The following CREM variants were observed in gnomAD, a reference collection of about 807,000 sequenced individuals.
CREM encodes cAMP responsive element modulator.
A neutral mutation model predicts 37.3 loss-of-function variants in CREM; 13 were observed. The ratio of observed to expected loss-of-function variants is 0.35; its 90% CI spans 0.23 to 0.55. CREM has a LOEUF of 0.55. Ranked by LOEUF, CREM falls within the 20% of genes least tolerant of loss-of-function variation. The pLI, the probability that CREM is intolerant of heterozygous loss-of-function variation, is 0.88. For missense variants in CREM, 296 were observed against 362.3 expected, an observed-to-expected ratio of 0.82 and a Z score of 1.49; for synonymous variants, 124 against 120.2, an observed-to-expected ratio of 1.03 and a Z score of -0.21.
intron 5 of CREM, chr10:35,179,908 T>A (rs1201502355): frequency 6.6e-6 from 1 of 152,316 alleles, no homozygotes; most frequent in African/African-American, 2.4e-5. Flanking sequence ...AAGCACTAGT[T>A]TTTTTCCCAA....
intron 6 of CREM, among the ~76,000 whole-genome samples, chr10:35,189,547 G>A (rs192034470): frequency 3.3e-5 from 5 of 151,956 alleles, no homozygotes; most frequent in Admixed American, 6.6e-5. Context: ...ACAGAGTCTC[G>A]CTCTGTTGCC....
In CREM at chr10:35,187,108, T is replaced by A. The variant is rs565508388; in HGVS notation, c.410-1092T>A. On this transcript the variant is annotated intron_variant, in intron 5 of 7. Transcript: ENST00000685392. The stretch of plus-strand genomic sequence containing the variant: ...TAATATATAATATATATGATATATA[T>A]TATATAAATATATAAATATATTAAT... Among the ~76,000 whole-genome samples, 546 of 75,088 alleles carry A rather than the reference T, an allele frequency of 7.3e-3. 7 individuals are homozygous for A. Among genetic ancestry groups the A allele is most frequent in the African/African-American group, 0.028 (512 of 18,302 alleles). 49.3% of individuals were successfully genotyped at this position (75,088 alleles called of 152,430 possible).
At chr10:35,157,147 A>G (rs1372186502) in intron 3 of CREM, among the ~76,000 whole-genome samples, 1 of 152,218 alleles carries the variant, frequency 6.6e-6, no homozygotes, top group Non-Finnish European at 1.5e-5. Context: ...AAAAGACCAT[A>G]TCATCATCTC....
intron 2 of CREM, among the ~76,000 whole-genome samples, chr10:35,143,053 C>T (rs1336229679): frequency 6.6e-6 from 1 of 152,216 alleles, no homozygotes; most frequent in Non-Finnish European, 1.5e-5. Flanking sequence ...TTACTGCAAC[C>T]TCCAACTCCC....
chr10:35,164,470 C>G (rs2093440739), intron 3 of CREM, among the ~76,000 whole-genome samples: 1 of 152,190 alleles, frequency 6.6e-6, no homozygotes. Context: ...TCCGGTATGT[C>G]AGGAGCTTGC....
chr10:35,212,704 C>G lies in CREM; in HGVS notation c.*1306C>G, dbSNP rs1453984033. The G allele has an allele frequency of 6.6e-6, 1 of 152,668 alleles. No homozygotes were observed. Among genetic ancestry groups the G allele is most frequent in the African/African-American group, 2.4e-5 (1 of 41,440 alleles). 9.5% of individuals were successfully genotyped at this position (152,668 alleles called of 1,614,324 possible). A position where few individuals can be genotyped will look rare whatever the true frequency, so the allele number is the denominator to read the frequency against. On this transcript the variant is annotated 3_prime_UTR_variant, in exon 8 of 8. Transcript: ENST00000685392. Reference sequence around the variant, plus strand: ...TTCATAATGGCCTGAGACTTTCTTTCTGTAGGTGGTCTGGAGCTGTCCGGC... The same window carrying G: ...TTCATAATGGCCTGAGACTTTCTTTGTGTAGGTGGTCTGGAGCTGTCCGGC...
At chr10:35,140,648 G>A (rs137929236) in intron 2 of CREM, among the ~76,000 whole-genome samples, 1 of 152,278 alleles carries the variant, frequency 6.6e-6, no homozygotes, top group Non-Finnish European at 1.5e-5. Flanking sequence ...CTACACAAGT[G>A]TTATAACAGA....
chr10:35,151,530 C>T (rs7079691), intron 3 of CREM, among the ~76,000 whole-genome samples: 1 of 152,148 alleles, frequency 6.6e-6, no homozygotes, highest in African/African-American at 2.4e-5. Flanking sequence ...CATGTGCCAC[C>T]ACGCCCAACT....
intron 5 of CREM, 64 bp from the exon 6 acceptor site, chr10:35,188,136 C>T: frequency 6.9e-7 from 1 of 1,453,730 alleles, no homozygotes. Flanking sequence ...TATATTCTTC[C>T]AATAGGGGAT....
At chr10:35,154,763 A>G (rs559481424) in intron 3 of CREM, among the ~76,000 whole-genome samples, 2 of 152,294 alleles carry the variant, frequency 1.3e-5, no homozygotes, top group South Asian at 2.1e-4. Context: ...TTCCTTAGTC[A>G]TCCAATTCAG....
At chr10:35,198,924 C>G (rs542761588) in intron 6 of CREM, among the ~76,000 whole-genome samples, 1 of 152,086 alleles carries the variant, frequency 6.6e-6, no homozygotes, top group African/African-American at 2.4e-5. Flanking sequence ...CCGAGGTGGG[C>G]TGATCACCTG....
chr10:35,210,165 C>G (rs760367400), intron 7 of CREM, among the ~76,000 whole-genome samples: 1 of 151,442 alleles, frequency 6.6e-6, no homozygotes, highest in African/African-American at 2.4e-5. Flanking sequence ...CTTTTTTTAA[C>G]ATATTTGAAT....
chr10:35,129,549 A>T (rs2088890553), intron 1 of CREM, among the ~76,000 whole-genome samples: 1 of 152,204 alleles, frequency 6.6e-6, no homozygotes, highest in South Asian at 2.1e-4. Flanking sequence ...TTCCCTGCAA[A>T]TTAAGTATTG....
chr10:35,144,501 G>C (rs561517588), intron 2 of CREM, among the ~76,000 whole-genome samples: 2 of 152,078 alleles, frequency 1.3e-5, no homozygotes, highest in African/African-American at 4.8e-5. Flanking sequence ...TCTGCATATA[G>C]GATTGAAGAA....
chr10:35,180,643 T>G (rs766548700), intron 5 of CREM, among the ~76,000 whole-genome samples: 3 of 152,224 alleles, frequency 2.0e-5, no homozygotes, highest in Non-Finnish European at 4.4e-5. Flanking sequence ...GAAATAGACC[T>G]TGAGGTTTAC....
intron 1 of CREM, among the ~76,000 whole-genome samples, chr10:35,128,549 G>A (rs1383716048): frequency 1.4e-5 from 2 of 142,060 alleles, no homozygotes; most frequent in South Asian, 2.2e-4. Context: ...TTTTTGAGAC[G>A]GGGTCTCGCT....
At chr10:35,132,100 CTG>C (rs1482937903) in intron 1 of CREM, among the ~76,000 whole-genome samples, 3 of 150,988 alleles carry the variant, frequency 2.0e-5, no homozygotes, top group Admixed American at 6.6e-5. Flanking sequence ...ACTCAGGAGA[CTG>C]AGGCAGGAGA....
At chr10:35,203,218 G>C (rs2095429410) in intron 6 of CREM, among the ~76,000 whole-genome samples, 1 of 151,884 alleles carries the variant, frequency 6.6e-6, no homozygotes, top group East Asian at 1.9e-4. Flanking sequence ...GTTAATTTTT[G>C]TATGTCTTGT....
At chr10:35,138,020 C>A in intron 2 of CREM, 141 bp downstream of exon 2, 1 of 511,176 alleles carries the variant, frequency 2.0e-6, no homozygotes, top group Non-Finnish European at 3.1e-6. Flanking sequence ...AATTATTCAG[C>A]CATTCACTTA....
Sources: gnomAD v4.1 joint callset for allele counts (sites outside exome capture counted in the v4.1 genomes callset) on GRCh38, gnomAD v4.1.1 for gene constraint, MANE v1.5 for transcripts, NCBI Gene and HGNC (gene_info 2026-07-23, HGNC 2026-07-21) for gene names.